NELL2: variants seen among roughly 807,000 people sequenced by gnomAD.
NELL2 encodes protein kinase C-binding protein NELL2.
Under a neutral mutation model 109.6 loss-of-function variants are expected in NELL2, and 41 were observed. That is an observed-to-expected ratio of 0.37 (90% CI 0.29 to 0.49). NELL2 has a LOEUF of 0.49. Among genes scored for constraint, NELL2 ranks in the 20% least tolerant of loss-of-function variants. NELL2 has a pLI of 0.98. For missense variants in NELL2, 900 were observed against 1,008.3 expected (o/e 0.89, Z 1.45); for synonymous variants, 355 against 344.7 (o/e 1.03, Z -0.33).
At chr12:44,791,098 T>TATATATATATATATATATAC (rs1807744529) in intron 3 of NELL2, among the ~76,000 whole-genome samples, 4 of 16,336 alleles carry the variant, frequency 2.4e-4, no homozygotes, top group Non-Finnish European at 5.6e-4. Flanking sequence ...TATATATATG[T>TATATATATATATATATATAC]ATATATATAT....
upstream of NELL2, among the ~76,000 whole-genome samples, chr12:44,877,832 C>T (rs1592698590): frequency 6.6e-6 from 1 of 151,968 alleles, no homozygotes; most frequent in African/African-American, 2.4e-5. Context: ...TCAGTACTTA[C>T]AAGTGATAAA....
intron 1 of NELL2, among the ~76,000 whole-genome samples, chr12:44,891,837 A>G (rs1472316754): frequency 6.6e-6 from 1 of 152,174 alleles, no homozygotes; most frequent in Non-Finnish European, 1.5e-5. Flanking sequence ...CTCTTATTTA[A>G]TTGGGTAGAA....
At chr12:44,547,627 T>C (rs746802490) in intron 15 of NELL2, among the ~76,000 whole-genome samples, 3 of 152,186 alleles carry the variant, frequency 2.0e-5, no homozygotes, top group Non-Finnish European at 2.9e-5. Context: ...CCAAAAAATA[T>C]ATCAGAGTTG....
chr12:44,816,149 C>T lies in NELL2; in HGVS notation c.185-13G>A. On this transcript the variant is annotated splice_polypyrimidine_tract_variant and intron_variant, in intron 2 of 19. Coordinates refer to ENST00000429094, the MANE Select transcript of NELL2 (RefSeq NM_001145108.2). ...CTTCTGGGAGTATCTAAAAAAGAAACAAACATATACTAAGAATAGTAGAAT... is the reference window on the plus strand; with the variant it reads ...CTTCTGGGAGTATCTAAAAAAGAAATAAACATATACTAAGAATAGTAGAAT... The T allele has an allele frequency of 6.4e-7, 1 of 1,571,126 alleles. No individual in the cohort carries two copies. Among genetic ancestry groups the T allele is most frequent in the South Asian group, 1.2e-5 (1 of 83,792 alleles).
At position 44,508,649 on chromosome 12, in the gene NELL2, C is replaced by T. The variant is rs796953762; in HGVS notation, c.*285G>A. On this transcript the variant is annotated 3_prime_UTR_variant, in exon 20 of 20. Transcript: ENST00000429094. ...CTTTCACAGATCCAATGGGCTCAGG[C>T]TTTCTATCCAGGGTTCAGGATGTCA... is the stretch of plus-strand genomic sequence containing the variant. 5 of 258,676 alleles carry T rather than the reference C, an allele frequency of 1.9e-5. No individual in the cohort carries two copies. Among genetic ancestry groups the T allele is most frequent in the African/African-American group, 1.1e-4 (5 of 44,858 alleles). The allele number at this position is 258,676 out of a possible 1,614,324, so 16.0% of individuals were successfully genotyped here.
intron 15 of NELL2, among the ~76,000 whole-genome samples, chr12:44,582,006 C>G (rs545003646): frequency 3.3e-5 from 5 of 152,162 alleles, no homozygotes; most frequent in Non-Finnish European, 7.3e-5. Context: ...AAAGGAATTA[C>G]AATTGTATTC....
Position 44,519,860 on chromosome 12 carries a change from G to A in NELL2, c.2400+145C>T, listed in dbSNP as rs1314782938. On this transcript the variant is annotated intron_variant, in intron 19 of 19. Transcript: ENST00000429094. ...CATGACAGCCCTGGAACTAACAGCT[G>A]AGTGGCATTCCGCCCACCTATGTTT... 3 of 710,000 alleles carry A rather than the reference G, an allele frequency of 4.2e-6. No individual in the cohort carries two copies. The East Asian group carries it at 8.1e-5, about 19-fold the overall frequency. The allele number at this position is 710,000 out of a possible 1,614,324, so 44.0% of individuals were successfully genotyped here.
At chr12:44,848,298 C>A (rs546719686) in intron 2 of NELL2, among the ~76,000 whole-genome samples, 1 of 152,114 alleles carries the variant, frequency 6.6e-6, no homozygotes, top group Non-Finnish European at 1.5e-5. Flanking sequence ...ACCTCCCAGG[C>A]TAGGCTCAAA....
At chr12:44,521,888 CTG>C (rs1565865635) in intron 18 of NELL2, 110 bp downstream of exon 18, 1 of 1,021,088 alleles carries the variant, frequency 9.8e-7, no homozygotes, top group African/African-American at 1.6e-5. Context: ...CTGTTTATAA[CTG>C]TCAACACTGT....
chr12:44,633,401 A>G (rs1946524819), intron 13 of NELL2, among the ~76,000 whole-genome samples: 1 of 152,112 alleles, frequency 6.6e-6, no homozygotes, highest in South Asian at 2.1e-4. Context: ...TCTTCATACT[A>G]CAAAATGTGA....
chr12:44,878,022 C>T (rs1034925993), upstream of NELL2, among the ~76,000 whole-genome samples: 1 of 152,066 alleles, frequency 6.6e-6, no homozygotes, highest in Non-Finnish European at 1.5e-5. Flanking sequence ...TTTTAAATAA[C>T]GTAGCATTTA....
At chr12:44,681,454 A>G (rs1948501205) in intron 12 of NELL2, among the ~76,000 whole-genome samples, 1 of 151,348 alleles carries the variant, frequency 6.6e-6, no homozygotes, top group Non-Finnish European at 1.5e-5. Context: ...TTTAGGGTAC[A>G]TGTGCACAAT....
chr12:44,760,355 G>T (rs1037139643), intron 9 of NELL2, among the ~76,000 whole-genome samples: 3 of 152,026 alleles, frequency 2.0e-5, no homozygotes, highest in Non-Finnish European at 4.4e-5. Flanking sequence ...ACCAGAATAA[G>T]ACATATTCCA....
chr12:44,638,708 T>C (rs1443985151), intron 13 of NELL2, among the ~76,000 whole-genome samples: 1 of 152,184 alleles, frequency 6.6e-6, no homozygotes, highest in Non-Finnish European at 1.5e-5. Flanking sequence ...TAAATGTTTA[T>C]TGATAACACA....
chr12:44,587,022 C>T (rs991488310), intron 15 of NELL2, among the ~76,000 whole-genome samples: 10 of 151,890 alleles, frequency 6.6e-5, no homozygotes, highest in African/African-American at 1.7e-4. Flanking sequence ...CCTGTAATCC[C>T]GGCACTTTGG....
chr12:44,591,947 T>G (rs541326765), intron 15 of NELL2, among the ~76,000 whole-genome samples: 1 of 152,280 alleles, frequency 6.6e-6, no homozygotes, highest in Admixed American at 6.5e-5. Context: ...ACAAGGTAAT[T>G]TGAAGAAAGA....
intron 15 of NELL2, among the ~76,000 whole-genome samples, chr12:44,603,080 C>T (rs1945276839): frequency 6.6e-6 from 1 of 152,040 alleles, no homozygotes; most frequent in African/African-American, 2.4e-5. Context: ...TGAAACAACA[C>T]ATATTAAAAA....
intron 15 of NELL2, among the ~76,000 whole-genome samples, chr12:44,578,215 A>G (rs1238788892): frequency 2.6e-5 from 4 of 151,946 alleles, no homozygotes; most frequent in Admixed American, 1.3e-4. Context: ...ACTTTCTTCA[A>G]GGAGCTACAC....
At chr12:44,785,767 A>G (rs951913184) in intron 3 of NELL2, among the ~76,000 whole-genome samples, 1 of 152,018 alleles carries the variant, frequency 6.6e-6, no homozygotes, top group Admixed American at 6.6e-5. Context: ...TGACAAAAAC[A>G]AGCAATAGGG....
Sources: gnomAD v4.1 joint callset for allele counts (sites outside exome capture counted in the v4.1 genomes callset) on GRCh38, gnomAD v4.1.1 for gene constraint, MANE v1.5 for transcripts, NCBI Gene and HGNC (gene_info 2026-07-23, HGNC 2026-07-21) for gene names.